Variants in GPATCH8 observed in about 807,000 individuals in gnomAD.
GPATCH8 encodes G patch domain-containing protein 8.
In GPATCH8, 18 loss-of-function variants were observed where a neutral mutation model predicts 118.3. The ratio of observed to expected loss-of-function variants is 0.15; its 90% confidence interval spans 0.11 to 0.23. The LOEUF (loss-of-function observed/expected upper bound fraction) is 0.23. GPATCH8 is among the 10% of genes least tolerant of loss of function. The pLI is 1.00. For missense variants in GPATCH8, 1,631 were observed against 1,873.8 expected, an observed-to-expected ratio of 0.87 and a Z score of 2.39; for synonymous variants, 659 against 684.7, an observed-to-expected ratio of 0.96 and a Z score of 0.59.
At chr17:44,490,022 G>T (rs1170148470) in intron 1 of GPATCH8, among the ~76,000 whole-genome samples, 1 of 152,130 alleles carries the variant, frequency 6.6e-6, no homozygotes, top group Non-Finnish European at 1.5e-5. Context: ...GGGGGGTAAG[G>T]CTGGGTGCAG....
At chr17:44,470,755 G>T (rs972327455) in intron 2 of GPATCH8, among the ~76,000 whole-genome samples, 1 of 151,802 alleles carries the variant, frequency 6.6e-6, no homozygotes, top group Admixed American at 6.6e-5. Flanking sequence ...TCATCTGCCC[G>T]CCTCAGCATC....
At chr17:44,401,545 C>A in intron 7 of GPATCH8, 92 bp from the exon 8 acceptor site, 1 of 849,738 alleles carries the variant, frequency 1.2e-6, no homozygotes, top group Non-Finnish European at 2.0e-6. Flanking sequence ...TATATCCTAT[C>A]ATTCATTATA....
At chr17:44,442,228 A>C (rs1006805973) in intron 3 of GPATCH8, among the ~76,000 whole-genome samples, 7 of 147,870 alleles carry the variant, frequency 4.7e-5, no homozygotes, top group African/African-American at 1.5e-4. Context: ...AAAAAAAAAA[A>C]CACCACAACC....
intron 5 of GPATCH8, among the ~76,000 whole-genome samples, chr17:44,424,694 A>G (rs1026289957): frequency 3.9e-5 from 6 of 152,240 alleles, no homozygotes; most frequent in African/African-American, 7.2e-5. Flanking sequence ...GTCTTCAAAT[A>G]AACAAATGTT....
At chr17:44,477,206 G>A (rs368124374) in intron 1 of GPATCH8, among the ~76,000 whole-genome samples, 7 of 152,254 alleles carry the variant, frequency 4.6e-5, no homozygotes, top group Middle Eastern at 3.4e-3. Context: ...TAAGTATTAC[G>A]TTTCTCTCAC....
At chr17:44,402,127 C>T (rs568102441) in intron 7 of GPATCH8, among the ~76,000 whole-genome samples, 29 of 151,920 alleles carry the variant, frequency 1.9e-4, no homozygotes, top group African/African-American at 7.0e-4. Context: ...CAAGACCAGC[C>T]TGACCAACAT....
At position 44,397,615 on chromosome 17, in the gene GPATCH8, T is replaced by C; in HGVS notation, c.4462A>G (p.Ile1488Val). The C allele has an allele frequency of 6.2e-7, 1 of 1,613,460 alleles. No homozygotes were observed. Among genetic ancestry groups the C allele is most frequent in the Non-Finnish European group, 8.5e-7 (1 of 1,179,764 alleles). ...TGTTGCAGGTCCTGACCTGAGAAGA[T>C]GGGGTGAAGTAGTGGGTGAAGGTGA... Reference protein sequence around the residue: ...ALHLHPLLHPIFSGQDLQHPP... With the variant: ...ALHLHPLLHPVFSGQDLQHPP... The change falls in exon 8 of 8, where the codon ATC becomes GTC. Residue 1488 changes from isoleucine (I) to valine (V), a missense_variant. Ile to Val is a conservative substitution (Grantham distance 29, BLOSUM62 3). Transcript: ENST00000591680.
At chr17:44,437,602 T>C (rs2050554652) in intron 3 of GPATCH8, among the ~76,000 whole-genome samples, 1 of 152,030 alleles carries the variant, frequency 6.6e-6, no homozygotes, top group African/African-American at 2.4e-5. Context: ...ATTATACCTT[T>C]GGGCTAAAAA....
At chr17:44,500,974 C>T (rs1970016402) in intron 1 of GPATCH8, among the ~76,000 whole-genome samples, 1 of 152,134 alleles carries the variant, frequency 6.6e-6, no homozygotes, top group Non-Finnish European at 1.5e-5. Context: ...TTTATTAAAA[C>T]ATCTAGAAAA....
chr17:44,413,028 G>A (rs1246207234), intron 6 of GPATCH8, among the ~76,000 whole-genome samples: 4 of 152,192 alleles, frequency 2.6e-5, no homozygotes, highest in African/African-American at 7.2e-5. Context: ...GACCAGGAGA[G>A]AATATAGAAT....
At chr17:44,413,418 C>A (rs2049523581) in intron 6 of GPATCH8, among the ~76,000 whole-genome samples, 1 of 152,100 alleles carries the variant, frequency 6.6e-6, no homozygotes, top group Non-Finnish European at 1.5e-5. Context: ...TTATAGGCTC[C>A]CACCACCATG....
rs754278869 is a variant in GPATCH8 at position 44,397,272 on chromosome 17, T to C, written c.*296A>G. ...GAGGGAGGAGGGGATTATCTAAACT[T>C]GACAGTTTGGAGATGTTGCTGCAGA... On this transcript the variant is annotated 3_prime_UTR_variant, in exon 8 of 8. Transcript: ENST00000591680. 5 of 577,864 alleles carry C rather than the reference T, an allele frequency of 8.7e-6. No individual in the cohort carries two copies. The highest frequency in any genetic ancestry group is 1.8e-5 in the African/African-American group (1 of 54,202). The allele number at this position is 577,864 out of a possible 1,614,324, so 35.8% of individuals were successfully genotyped here.
intron 1 of GPATCH8, among the ~76,000 whole-genome samples, chr17:44,492,103 C>A (rs888555180): frequency 6.6e-6 from 1 of 151,870 alleles, no homozygotes; most frequent in East Asian, 1.9e-4. Flanking sequence ...AGTTCAAGAC[C>A]AGCCTGGCCA....
chr17:44,445,414 T>C lies in GPATCH8; in HGVS notation c.194-8869A>G, dbSNP rs569482236. 2.6e-5 allele frequency among the ~76,000 whole-genome samples: 4 copies of C among 152,316 alleles called. No individual in the cohort carries two copies. The South Asian group carries it at 8.3e-4, about 32-fold the overall frequency. On this transcript the variant is annotated intron_variant, in intron 3 of 7. Coordinates refer to ENST00000591680, the MANE Select transcript of GPATCH8 (RefSeq NM_001002909.4). ...ACAGGTCACAGTAAAAATTAATGGC[T>C]TCCTTCAAGTACCCAGTACACTCCT...
chr17:44,464,409 A>G, intron 3 of GPATCH8, 63 bp downstream of exon 3: 2 of 944,912 alleles, frequency 2.1e-6, no homozygotes, highest in Non-Finnish European at 1.8e-6. Flanking sequence ...AAATACATTC[A>G]GGTACAAGAT....
chr17:44,482,099 C>G (rs556430679), intron 1 of GPATCH8, among the ~76,000 whole-genome samples: 2 of 151,918 alleles, frequency 1.3e-5, no homozygotes, highest in South Asian at 4.2e-4. Flanking sequence ...CCAGCCTGGG[C>G]GACAGAGTGA....
chr17:44,481,714 T>C (rs535428881), intron 1 of GPATCH8, among the ~76,000 whole-genome samples: 2 of 152,358 alleles, frequency 1.3e-5, no homozygotes, highest in Non-Finnish European at 2.9e-5. Context: ...GAAAACAGGC[T>C]AAATATTTCT....
intron 3 of GPATCH8, among the ~76,000 whole-genome samples, chr17:44,442,279 T>C (rs1365270676): frequency 1.4e-5 from 2 of 145,380 alleles, no homozygotes; most frequent in East Asian, 2.0e-4. Context: ...ATAGGCAAAA[T>C]AGAGTAATCT....
chr17:44,462,681 T>C (rs778088930), intron 3 of GPATCH8, among the ~76,000 whole-genome samples: 9 of 152,044 alleles, frequency 5.9e-5, no homozygotes, highest in Non-Finnish European at 1.0e-4. Flanking sequence ...AATTAAAGGT[T>C]TTAATAACTG....
Sources: gnomAD v4.1 joint callset for allele counts (sites outside exome capture counted in the v4.1 genomes callset) on GRCh38, gnomAD v4.1.1 for gene constraint, MANE v1.5 for transcripts, NCBI Gene and HGNC (gene_info 2026-07-23, HGNC 2026-07-21) for gene names.